The following PCDH15 variants were observed in gnomAD, a reference collection of about 807,000 sequenced individuals.
PCDH15 encodes the protein protocadherin related 15, also known as protocadherin-15.
In PCDH15, 129 loss-of-function variants were observed where a neutral mutation model predicts 178.5. The observed-to-expected ratio is 0.72, with a 90% CI of 0.63 to 0.84. The LOEUF is 0.84. Ranked by LOEUF, PCDH15 falls within the 40% of genes least tolerant of loss-of-function variation. The probability of loss-of-function intolerance (pLI) is 0.00; values close to 1 mark genes in which losing one functional copy is unlikely to be tolerated. For synonymous variants in PCDH15, 800 were observed against 732.0 expected, an observed-to-expected ratio of 1.09 and a Z score of -1.50; for missense variants, 2,230 against 2,099.9, an observed-to-expected ratio of 1.06 and a Z score of -1.21.
intron 2 of PCDH15, among the ~76,000 whole-genome samples, chr10:55,365,707 T>TTGC (rs1353523955): frequency 1.3e-5 from 2 of 152,104 alleles, no homozygotes; most frequent in Admixed American, 6.6e-5. Context: ...CTTCTCTTGT[T>TTGC]TGCCGCAATC....
chr10:54,240,626 C>CTTTTTTTTTTTTTTTTTTTT (rs1228784141), intron 8 of PCDH15, among the ~76,000 whole-genome samples: 10 of 79,664 alleles, frequency 1.3e-4, no homozygotes, highest in South Asian at 5.3e-4. Flanking sequence ...TTTTCTTTTG[C>CTTTTTTTTTTTTTTTTTTTT]TTTTTTTTTT....
intron 2 of PCDH15, among the ~76,000 whole-genome samples, chr10:54,635,353 C>T (rs1036709293): frequency 2.7e-5 from 4 of 150,230 alleles, no homozygotes; most frequent in East Asian, 2.0e-4. Context: ...TGGTGACATT[C>T]GTGTTTAATT....
intron 1 of PCDH15, among the ~76,000 whole-genome samples, chr10:55,213,991 C>T (rs912327503): frequency 4.6e-5 from 7 of 151,798 alleles, no homozygotes; most frequent in Non-Finnish European, 8.8e-5. Context: ...TAAGCATTAC[C>T]TAGTTTCCAT....
chr10:55,426,110 G>A (rs1276866793), intron 2 of PCDH15, among the ~76,000 whole-genome samples: 1 of 152,146 alleles, frequency 6.6e-6, no homozygotes. Flanking sequence ...GTGACATGAA[G>A]GGGAATAAGA....
At chr10:54,355,738 A>G (rs1314519987) in intron 5 of PCDH15, among the ~76,000 whole-genome samples, 1 of 152,092 alleles carries the variant, frequency 6.6e-6, no homozygotes. Context: ...TCTTCTTCAA[A>G]TAATTATTAC....
chr10:54,678,088 G>T (rs1441503775), intron 1 of PCDH15, among the ~76,000 whole-genome samples: 2 of 152,026 alleles, frequency 1.3e-5, no homozygotes, highest in African/African-American at 4.8e-5. Flanking sequence ...TGTTGTTCAG[G>T]ATTTTCTCAA....
At chr10:55,361,651 G>A (rs1014628443) in intron 2 of PCDH15, among the ~76,000 whole-genome samples, 5 of 151,958 alleles carry the variant, frequency 3.3e-5, no homozygotes, top group African/African-American at 1.2e-4. Context: ...AAATGAAATG[G>A]CATAGAAGAT....
At chr10:53,955,761 C>T (rs2087551031) in intron 23 of PCDH15, among the ~76,000 whole-genome samples, 1 of 152,198 alleles carries the variant, frequency 6.6e-6, no homozygotes. Context: ...AAAGACCATC[C>T]TAATAATCAA....
chr10:53,859,185 A>G lies in PCDH15; in HGVS notation c.3718-1922T>C, dbSNP rs2078948945. 2.0e-5 allele frequency among the ~76,000 whole-genome samples: 3 copies of G among 152,158 alleles called. No individual in the cohort carries two copies. In the South Asian group the frequency reaches 6.2e-4, roughly 32 times the overall value. On this transcript the variant is annotated intron_variant, in intron 27 of 37. Coordinates refer to ENST00000644397, the MANE Select transcript of PCDH15 (RefSeq NM_001384140.1). ...TCATTCTCTGTTCCCTGAAGCTCCC[A>G]TCATCTCCTCTAACTGCTGGACTCA...
intron 14 of PCDH15, among the ~76,000 whole-genome samples, chr10:54,135,189 C>T (rs553603389): frequency 6.4e-5 from 9 of 141,722 alleles, no homozygotes; most frequent in Middle Eastern, 3.6e-3. Context: ...GGTGACAGGG[C>T]GAGACTCTGT....
chr10:54,333,564 T>TAAA (rs5785065), intron 6 of PCDH15, among the ~76,000 whole-genome samples: 2 of 143,812 alleles, frequency 1.4e-5, no homozygotes, highest in Non-Finnish European at 3.0e-5. Context: ...CTAAAAAGTT[T>TAAA]AAAAAAAAAA....
At chr10:54,861,569 T>C (rs1264571035) in intron 3 of PCDH15, among the ~76,000 whole-genome samples, 1 of 152,132 alleles carries the variant, frequency 6.6e-6, no homozygotes, top group Non-Finnish European at 1.5e-5. Flanking sequence ...AGGCCATATA[T>C]GACAAATCCA....
intron 3 of PCDH15, among the ~76,000 whole-genome samples, chr10:54,499,032 C>G (rs370674602): frequency 2.3e-4 from 35 of 152,110 alleles, no homozygotes; most frequent in African/African-American, 8.0e-4. Context: ...CTCCCATGAT[C>G]CAATCACCTT....
At chr10:54,637,615 T>G (rs758566543) in intron 2 of PCDH15, among the ~76,000 whole-genome samples, 1 of 152,086 alleles carries the variant, frequency 6.6e-6, no homozygotes, top group Non-Finnish European at 1.5e-5. Flanking sequence ...CTCTAATTAT[T>G]GTATTGAGCT....
intron 3 of PCDH15, among the ~76,000 whole-genome samples, chr10:54,445,061 C>T (rs2076062356): frequency 6.6e-6 from 1 of 151,114 alleles, no homozygotes; most frequent in Admixed American, 6.6e-5. Flanking sequence ...TGCCAATTGT[C>T]TACTGCTTGT....
intron 2 of PCDH15, among the ~76,000 whole-genome samples, chr10:55,612,507 A>C (rs1843389229): frequency 6.6e-6 from 1 of 152,152 alleles, no homozygotes; most frequent in Admixed American, 6.5e-5. Flanking sequence ...AGATCTTATT[A>C]GAGGAAGAAA....
intron 2 of PCDH15, among the ~76,000 whole-genome samples, chr10:55,335,667 G>A (rs1242693056): frequency 3.3e-5 from 5 of 152,088 alleles, no homozygotes; most frequent in Middle Eastern, 3.2e-3. Context: ...CACAGGAAAC[G>A]CACAGTTTGT....
intron 28 of PCDH15, among the ~76,000 whole-genome samples, chr10:53,856,962 G>A (rs1589119240): frequency 6.6e-6 from 1 of 152,130 alleles, no homozygotes; most frequent in East Asian, 1.9e-4. Flanking sequence ...GAGGGAGGAT[G>A]GGAGGGGCAT....
chr10:54,911,027 T>C (rs1351232665), intron 2 of PCDH15, among the ~76,000 whole-genome samples: 1 of 152,156 alleles, frequency 6.6e-6, no homozygotes, highest in African/African-American at 2.4e-5. Flanking sequence ...GGAAAGATGG[T>C]TGACAAGAAT....
Sources: gnomAD v4.1 joint callset for allele counts (sites outside exome capture counted in the v4.1 genomes callset) on GRCh38, gnomAD v4.1.1 for gene constraint, MANE v1.5 for transcripts, NCBI Gene and HGNC (gene_info 2026-07-23, HGNC 2026-07-21) for gene names.